SSBP2: variants seen among roughly 807,000 people sequenced by gnomAD.
SSBP2 encodes single stranded DNA binding protein 2.
In SSBP2, 17 loss-of-function variants were observed where a neutral mutation model predicts 61.8. The observed-to-expected ratio is 0.28, with a 90% CI of 0.19 to 0.41. The LOEUF (loss-of-function observed/expected upper bound fraction) is 0.41. SSBP2 is among the 10% of genes least tolerant of loss of function. The pLI is 1.00. For missense variants in SSBP2, 310 were observed against 458.7 expected (o/e 0.68, Z 2.96); for synonymous variants, 139 against 141.3 (o/e 0.98, Z 0.12).
At chr5:81,522,401 T>C (rs1339161201) in intron 4 of SSBP2, among the ~76,000 whole-genome samples, 8 of 152,040 alleles carry the variant, frequency 5.3e-5, no homozygotes, top group Non-Finnish European at 8.8e-5. Context: ...TTTTTTTAAA[T>C]ACAATTTTTA....
chr5:81,570,110 A>G (rs1029174839), intron 4 of SSBP2, among the ~76,000 whole-genome samples: 2 of 152,214 alleles, frequency 1.3e-5, no homozygotes, highest in African/African-American at 4.8e-5. Context: ...ATAAGACAAG[A>G]TAAATTTCTT....
chr5:81,467,118 G>C, intron 8 of SSBP2, 53 bp from the exon 9 acceptor site: 4,501 of 999,162 alleles, frequency 4.5e-3, no homozygotes, highest in Non-Finnish European at 6.3e-3. Context: ...AGAAAGGAGA[G>C]CACGTTAATG....
At chr5:81,650,202 T>G in intron 2 of SSBP2, 65 bp downstream of exon 2, 2 of 1,140,506 alleles carry the variant, frequency 1.8e-6, no homozygotes, top group Non-Finnish European at 2.5e-6. Context: ...AAATAATTAT[T>G]ATAGTGTGTT....
chr5:81,737,803 A>C (rs1756726613), intron 1 of SSBP2, among the ~76,000 whole-genome samples: 6 of 150,896 alleles, frequency 4.0e-5, no homozygotes, highest in Admixed American at 4.0e-4. Context: ...AAAAAAAAAA[A>C]CAAAAAACTC....
intron 1 of SSBP2, among the ~76,000 whole-genome samples, chr5:81,726,971 C>T (rs993758479): frequency 9.2e-5 from 14 of 152,152 alleles, no homozygotes; most frequent in African/African-American, 3.4e-4. Context: ...CAATTAGCAC[C>T]TTATTACAGT....
At chr5:81,615,402 T>G (rs1422239313) in intron 4 of SSBP2, 71 bp downstream of exon 4, 11 of 1,074,606 alleles carry the variant, frequency 1.0e-5, no homozygotes, top group Non-Finnish European at 1.6e-5. Context: ...GATGAGCCAG[T>G]GTATTTTTTA....
chr5:81,485,855 T>C (rs1580805560), intron 6 of SSBP2, among the ~76,000 whole-genome samples: 1 of 152,268 alleles, frequency 6.6e-6, no homozygotes, highest in East Asian at 1.9e-4. Context: ...TCACCAAAAA[T>C]AGTTTTGCCC....
At chr5:81,713,679 T>G (rs1561720004) in intron 1 of SSBP2, among the ~76,000 whole-genome samples, 1 of 152,218 alleles carries the variant, frequency 6.6e-6, no homozygotes, top group East Asian at 1.9e-4. Context: ...TACTCCACTC[T>G]TTAGAACTTT....
chr5:81,636,145 G>A (rs1486266894), intron 3 of SSBP2, among the ~76,000 whole-genome samples: 1 of 152,096 alleles, frequency 6.6e-6, no homozygotes, highest in Non-Finnish European at 1.5e-5. Context: ...CAATATGTAA[G>A]GACACAGTGA....
At chr5:81,738,068 G>A (rs1018516577) in intron 1 of SSBP2, among the ~76,000 whole-genome samples, 1 of 151,746 alleles carries the variant, frequency 6.6e-6, no homozygotes, top group African/African-American at 2.4e-5. Flanking sequence ...TCCCTATTTC[G>A]TGCCTTCAAA....
rs181381846 is a variant in SSBP2 at position 81,432,618 on chromosome 5, C to T, written c.958-3935G>A. Among the ~76,000 whole-genome samples the T allele has an allele frequency of 2.6e-3, 392 of 152,064 alleles. 1 individual carries two copies. Among genetic ancestry groups the T allele is most frequent in the Non-Finnish European group, 4.6e-3 (315 of 67,974 alleles). On this transcript the variant is annotated intron_variant, in intron 15 of 16. Transcript: ENST00000320672. The stretch of plus-strand genomic sequence containing the variant: ...AAAATTAGCCGGGTATGGTGGTGTG[C>T]GCCTGTAATCCCAGCTACTCGGGAG...
chr5:81,743,863 T>C (rs1250845229), intron 1 of SSBP2, among the ~76,000 whole-genome samples: 2 of 152,186 alleles, frequency 1.3e-5, no homozygotes, highest in African/African-American at 4.8e-5. Context: ...AGGAAGACCA[T>C]GAGGATGGCA....
intron 4 of SSBP2, among the ~76,000 whole-genome samples, chr5:81,539,174 T>A (rs1771048341): frequency 6.6e-6 from 1 of 152,222 alleles, no homozygotes; most frequent in East Asian, 1.9e-4. Flanking sequence ...TGGAAGTAGT[T>A]GATTCCAACC....
At chr5:81,744,854 G>C (rs1274602219) in intron 1 of SSBP2, among the ~76,000 whole-genome samples, 1 of 152,016 alleles carries the variant, frequency 6.6e-6, no homozygotes, top group Non-Finnish European at 1.5e-5. Context: ...AAAGGAAAAA[G>C]ATGAGAGTAG....
In SSBP2 at chr5:81,419,941, A is replaced by C. The variant is rs989966046; in HGVS notation, c.*563T>G. ...CTTGCATCAGACGCAATTTAATGAA[A>C]GCTCTCAAATAAGCGATTTTATTCC... On this transcript the variant is annotated 3_prime_UTR_variant, in exon 17 of 17. Coordinates refer to ENST00000320672, the MANE Select transcript of SSBP2 (RefSeq NM_012446.5). The C allele has an allele frequency of 2.0e-5, 3 of 152,350 alleles. No homozygotes were observed. Among genetic ancestry groups the C allele is most frequent in the African/African-American group, 7.2e-5 (3 of 41,462 alleles). 9.4% of individuals were successfully genotyped at this position (152,350 alleles called of 1,614,324 possible).
chr5:81,474,656 T>A, intron 6 of SSBP2, 94 bp from the exon 7 acceptor site: 1 of 862,496 alleles, frequency 1.2e-6, no homozygotes, highest in Non-Finnish European at 1.7e-6. Flanking sequence ...GTATGATAAT[T>A]ACAAGAATGC....
chr5:81,657,795 T>C (rs1042111514), intron 1 of SSBP2, among the ~76,000 whole-genome samples: 2 of 152,232 alleles, frequency 1.3e-5, no homozygotes, highest in African/African-American at 4.8e-5. Context: ...TTTCTGCAAA[T>C]TCTTTTCCTA....
At chr5:81,675,522 T>G (rs1166926778) in intron 1 of SSBP2, among the ~76,000 whole-genome samples, 8 of 152,316 alleles carry the variant, frequency 5.3e-5, no homozygotes, top group Admixed American at 2.0e-4. Context: ...CCTAGACAGC[T>G]TCACGAAACT....
chr5:81,667,286 TACACACACACACACACAC>T lies in SSBP2; in HGVS notation c.63-16965_63-16948del, dbSNP rs71605804. On this transcript the variant is annotated intron_variant, in intron 1 of 16. Coordinates refer to ENST00000320672, the MANE Select transcript of SSBP2 (RefSeq NM_012446.5). ...GAGTACCAGACAGAAGGGATACAGA[TACACACACACACACACAC>T]ACACACACACACACACACACACACA... Among the ~76,000 whole-genome samples the T allele has an allele frequency of 4.1e-4, 55 of 133,818 alleles. No individual in the cohort carries two copies. The South Asian group carries it at 9.9e-3, about 24-fold the overall frequency. The allele number at this position is 133,818 out of a possible 152,430, so 87.8% of individuals were successfully genotyped here.
Sources: allele counts gnomAD v4.1 joint callset (sites outside exome capture counted in the v4.1 genomes callset), GRCh38; gene constraint gnomAD v4.1.1; transcripts MANE v1.5; gene names NCBI Gene and HGNC (gene_info 2026-07-23, HGNC 2026-07-21).